Variants in CASP2 observed in about 807,000 individuals in gnomAD.
CASP2 encodes the protein caspase-2.
In CASP2, 38 loss-of-function variants were observed where a neutral mutation model predicts 54.4. The ratio of observed to expected loss-of-function variants is 0.70; its 90% confidence interval spans 0.54 to 0.92. The LOEUF is 0.92. Ranked by LOEUF, CASP2 falls within the 40% of genes least tolerant of loss-of-function variation. The pLI, the probability that CASP2 is intolerant of heterozygous loss-of-function variation, is 0.00. For synonymous variants in CASP2, 215 were observed against 216.3 expected (o/e 0.99, Z 0.05); for missense variants, 512 against 579.6 (o/e 0.88, Z 1.20).
chr7:143,299,247 A>G (rs553684161), intron 6 of CASP2, among the ~76,000 whole-genome samples: 3 of 152,236 alleles, frequency 2.0e-5, no homozygotes, highest in Admixed American at 2.0e-4. Flanking sequence ...TTATAAAGTG[A>G]AAAGTGAGGT....
chr7:143,296,543 GGTGAA>G (rs1801756748), intron 6 of CASP2, among the ~76,000 whole-genome samples: 2 of 152,174 alleles, frequency 1.3e-5, no homozygotes, highest in Admixed American at 6.5e-5. Flanking sequence ...AGAGAGGAGT[GGTGAA>G]GCCACCCTAG....
rs1182734013 is a variant in CASP2 at position 143,306,984 on chromosome 7, C to T, written c.*1913C>T. The T allele has an allele frequency of 6.6e-6, 1 of 152,294 alleles. No homozygotes were observed. The highest frequency in any genetic ancestry group is 2.4e-5 in the African/African-American group (1 of 41,446). The allele number at this position is 152,294 out of a possible 1,614,324, so 9.4% of individuals were successfully genotyped here. A position where few individuals can be genotyped will look rare whatever the true frequency, so the allele number is the denominator to read the frequency against. ...AGCCCGAGTGGTCTCCTCTCAGCTT[C>T]TAATTTTGTGCTCTTTCCTGCCCTT... On this transcript the variant is annotated 3_prime_UTR_variant, in exon 11 of 11. Coordinates refer to ENST00000310447, the MANE Select transcript of CASP2 (RefSeq NM_032982.4).
At chr7:143,303,983 T>C in intron 9 of CASP2, 50 bp downstream of exon 9, 1 of 1,476,394 alleles carries the variant, frequency 6.8e-7, no homozygotes, top group East Asian at 2.5e-5. Context: ...TGTTGCACTT[T>C]GCTTTATTGT....
rs1250241971 is a variant in CASP2 at position 143,300,030 on chromosome 7, T to C, written c.855T>C (p.Gly285=). ...ATGGTGTGGAGGGCGCCATCTATGG[T>C]GTGGATGGGAAACTGCTCCAGGTGC... is the stretch of plus-strand genomic sequence containing the variant. The part of the protein sequence containing the change: ...LSHGVEGAIY[G]VDGKLLQLQE... Residue 285 remains glycine, a synonymous_variant, in exon 7 of 11, where the codon GGT becomes GGC. Coordinates refer to ENST00000310447, the MANE Select transcript of CASP2 (RefSeq NM_032982.4). The C allele has an allele frequency of 1.2e-6, 2 of 1,613,990 alleles. No homozygotes were observed. The highest frequency in any genetic ancestry group is 1.1e-5 in the South Asian group (1 of 91,072).
chr7:143,304,705 T>A lies in CASP2; in HGVS notation c.1149T>A (p.Gly383=). The change falls in exon 10 of 11, where the codon GGT becomes GGA. Residue 383 remains glycine, a synonymous_variant. Transcript: ENST00000310447. ...GTAAMRNTKR[G]SWYIEALAQV... is the part of the protein sequence containing the mutation. ...CCGCCATGCGGAACACCAAACGAGG[T>A]TCCTGGTACATCGAGGCTCTTGCTC... The A allele has an allele frequency of 6.2e-7, 1 of 1,614,068 alleles. No individual in the cohort carries two copies.
Position 143,294,216 on chromosome 7 carries a change from T to C in CASP2, c.476-14T>C, listed in dbSNP as rs747558777. The stretch of plus-strand genomic sequence containing the variant: ...GTTATATACTAGTTTTTTGGTTTTC[T>C]GTCTATACCACAGATACTGTGGAAC... On this transcript the variant is annotated splice_polypyrimidine_tract_variant and intron_variant, in intron 4 of 10. Coordinates refer to ENST00000310447, the MANE Select transcript of CASP2 (RefSeq NM_032982.4). 1 of 1,525,752 alleles carries C rather than the reference T, an allele frequency of 6.6e-7. No homozygotes were observed. The highest frequency in any genetic ancestry group is 1.7e-5 in the Admixed American group (1 of 59,892). 94.5% of individuals were successfully genotyped at this position (1,525,752 alleles called of 1,614,324 possible).
intron 4 of CASP2, among the ~76,000 whole-genome samples, chr7:143,293,505 G>GTTT (rs199829830): frequency 6.7e-6 from 1 of 149,420 alleles, no homozygotes; most frequent in Non-Finnish European, 1.5e-5. Context: ...GGAGTTTGTG[G>GTTT]TTTTTTGTTT....
chr7:143,306,054 A>G lies in CASP2; in HGVS notation c.*983A>G, dbSNP rs1323152613. The G allele has an allele frequency of 1.3e-5, 2 of 152,166 alleles. No homozygotes were observed. The highest frequency in any genetic ancestry group is 3.9e-4 in the East Asian group (2 of 5,194). 9.4% of individuals were successfully genotyped at this position (152,166 alleles called of 1,614,324 possible). On this transcript the variant is annotated 3_prime_UTR_variant, in exon 11 of 11. Transcript: ENST00000310447. ...TTGGCTGCTGCCACCAAATCTGTCT[A>G]GAATCCTGCTTTACAGGATCATGTA...
In CASP2 at chr7:143,294,299, A is replaced by G; in HGVS notation, c.545A>G (p.Glu182Gly). The change falls in exon 5 of 11, where the codon GAA (glutamate) becomes GGA (glycine). Residue 182 changes from glutamate to glycine, a missense_variant. By Grantham distance (98) the Glu-to-Gly change is moderately conservative (BLOSUM62 -2). Transcript: ENST00000310447. ...VCLQVKPCTPEFYQTHFQLAY... is the reference protein window; with the variant it reads ...VCLQVKPCTPGFYQTHFQLAY... ...CTTCAGGTGAAGCCTTGCACTCCTG[A>G]ATTTTATCAAACACACTTCCAGCTG... 3 of 1,610,758 alleles carry G rather than the reference A, an allele frequency of 1.9e-6. No homozygotes were observed. Among genetic ancestry groups the G allele is most frequent in the South Asian group, 1.1e-5 (1 of 91,006 alleles).
At position 143,293,118 on chromosome 7, in the gene CASP2, T is replaced by G. The variant is rs547259582; in HGVS notation, c.475+420T>G. 3.5e-3 allele frequency: 2,255 copies of G among 643,062 alleles called. 8 individuals are homozygous for G. The highest frequency in any genetic ancestry group is 7.2e-3 in the Middle Eastern group (18 of 2,496). 39.8% of individuals were successfully genotyped at this position (643,062 alleles called of 1,614,324 possible). On this transcript the variant is annotated intron_variant, in intron 4 of 10. Coordinates refer to ENST00000310447, the MANE Select transcript of CASP2 (RefSeq NM_032982.4). ...CTAACATGAGCCCTTTTTTTTGTTT[T>G]TTTTTTTTTTTGTTGTGTTTTTTTT...
intron 6 of CASP2, among the ~76,000 whole-genome samples, chr7:143,295,915 A>G (rs922208892): frequency 1.3e-5 from 2 of 152,222 alleles, no homozygotes; most frequent in Non-Finnish European, 2.9e-5. Context: ...TCTGCTGGGC[A>G]TAAAGGGGCA....
In CASP2 at chr7:143,288,519, A is replaced by G; in HGVS notation, c.64A>G (p.Arg22Gly). Residue 22 changes from arginine (R) to glycine (G), a missense_variant, in exon 1 of 11, where the codon AGG becomes GGG. Transcript: ENST00000310447. Reference protein sequence around the residue: ...FQHKELMAADRGRRILGVCGM... With the variant: ...FQHKELMAADGGRRILGVCGM... ...GCACAAGGAGCTGATGGCCGCTGAC[A>G]GGGGACGCAGGTAAGTAGGGAACGG... The G allele has an allele frequency of 6.2e-7, 1 of 1,613,002 alleles. No individual in the cohort carries two copies.
At chr7:143,302,834 C>T (rs1654473920) in intron 8 of CASP2, 1 of 152,178 alleles carries the variant, frequency 6.6e-6, no homozygotes, top group Non-Finnish European at 1.5e-5. Flanking sequence ...TCTTGGGATA[C>T]ATAAGGCTTG....
rs1256602853 is a variant in CASP2, at chr7:143,292,643, C to T, written c.420C>T (p.Leu140=). ...PPLSCDYDLS[L]PFPVCESCPL... is the part of the protein sequence containing the mutation. ...TGAGCTGTGACTACGACTTGAGTCT[C>T]CCTTTTCCGGTGTGTGAGTCCTGTC... The change falls in exon 4 of 11, where the codon CTC becomes CTT. Residue 140 remains leucine, a synonymous_variant. Transcript: ENST00000310447. 1.2e-6 allele frequency: 2 copies of T among 1,613,654 alleles called. No homozygotes were observed. Among genetic ancestry groups the T allele is most frequent in the Non-Finnish European group, 1.7e-6 (2 of 1,180,032 alleles).
chr7:143,300,100 C>G, intron 7 of CASP2, 49 bp downstream of exon 7: 5 of 1,613,828 alleles, frequency 3.1e-6, no homozygotes, highest in Non-Finnish European at 4.2e-6. Context: ...GCTGCTTTAC[C>G]TCCTGCCTGC....
chr7:143,299,072 A>G (rs1801840327), intron 6 of CASP2, among the ~76,000 whole-genome samples: 1 of 151,210 alleles, frequency 6.6e-6, no homozygotes, highest in Admixed American at 6.6e-5. Context: ...TGATCCCTCC[A>G]CCGTAGCCTT....
At chr7:143,297,951 A>C (rs1353622080) in intron 6 of CASP2, among the ~76,000 whole-genome samples, 1 of 152,216 alleles carries the variant, frequency 6.6e-6, no homozygotes, top group Admixed American at 6.5e-5. Flanking sequence ...CTTTTCAACA[A>C]CACCAGTCTC....
At chr7:143,290,648 C>G (rs1204743417) in intron 1 of CASP2, 1 of 152,300 alleles carries the variant, frequency 6.6e-6, no homozygotes, top group Non-Finnish European at 1.5e-5. Context: ...GTAGTCCCAA[C>G]TACTTGGGAG....
rs190465333 is a variant in CASP2 at position 143,300,897 on chromosome 7, A to T, written c.967+603A>T. The T allele has an allele frequency of 5.1e-4, 534 of 1,050,876 alleles. 1 individual carries two copies. Among genetic ancestry groups the T allele is most frequent in the Non-Finnish European group, 5.9e-4 (512 of 868,358 alleles). 65.1% of individuals were successfully genotyped at this position (1,050,876 alleles called of 1,614,324 possible). A position where few individuals can be genotyped will look rare whatever the true frequency, so the allele number is the denominator to read the frequency against. The stretch of plus-strand genomic sequence containing the variant: ...CTGTTTTACTCCTTTAAGAGCCAGG[A>T]CTGCAGGACGAGGATTAAAAGACAC... On this transcript the variant is annotated intron_variant, in intron 8 of 10. Coordinates refer to ENST00000310447, the MANE Select transcript of CASP2 (RefSeq NM_032982.4).
Sources: allele counts gnomAD v4.1 joint callset (sites outside exome capture counted in the v4.1 genomes callset), GRCh38; gene constraint gnomAD v4.1.1; transcripts MANE v1.5; gene names NCBI Gene and HGNC (gene_info 2026-07-23, HGNC 2026-07-21).